TMEM178B: variants seen among roughly 807,000 people sequenced by gnomAD.
The protein encoded by TMEM178B is transmembrane protein 178B.
In TMEM178B, 5 loss-of-function variants were observed where a neutral mutation model predicts 31.0. The observed-to-expected ratio is 0.16, with a 90% CI of 0.08 to 0.34. The LOEUF (loss-of-function observed/expected upper bound fraction) is 0.34. Ranked by LOEUF, TMEM178B falls within the 10% of genes least tolerant of loss-of-function variation. The probability of loss-of-function intolerance (pLI) is 1.00; values close to 1 mark genes in which losing one functional copy is unlikely to be tolerated. For missense variants in TMEM178B, 275 were observed against 400.3 expected (o/e 0.69, Z 2.67); for synonymous variants, 164 against 164.0 (o/e 1.00, Z 0.00).
chr7:141,085,156 T>A (rs1175586232), intron 1 of TMEM178B, among the ~76,000 whole-genome samples: 2 of 147,570 alleles, frequency 1.4e-5, no homozygotes, highest in African/African-American at 2.5e-5. Context: ...TTGTATTTTT[T>A]TTTTTTTTTT....
At chr7:141,148,182 C>G (rs894915036) in intron 1 of TMEM178B, among the ~76,000 whole-genome samples, 1 of 152,166 alleles carries the variant, frequency 6.6e-6, no homozygotes, top group Admixed American at 6.5e-5. Context: ...ACTCCAACCA[C>G]TGTTTCTATT....
At chr7:141,272,331 A>G (rs1386963953) in intron 2 of TMEM178B, among the ~76,000 whole-genome samples, 1 of 152,210 alleles carries the variant, frequency 6.6e-6, no homozygotes, top group Non-Finnish European at 1.5e-5. Flanking sequence ...CTGAATTGAT[A>G]TCGTGCAAAG....
intron 2 of TMEM178B, among the ~76,000 whole-genome samples, chr7:141,392,790 A>G (rs968239697): frequency 6.6e-6 from 1 of 151,550 alleles, no homozygotes; most frequent in African/African-American, 2.4e-5. Flanking sequence ...GGACAGCAGC[A>G]TCTCTCTAGG....
chr7:141,486,876 C>T, the TMEM178B span, among the ~76,000 whole-genome samples: 1 of 151,934 alleles, frequency 6.6e-6, no homozygotes, highest in Non-Finnish European at 1.5e-5. Context: ...GAAAAAAAGA[C>T]AAATCAGGGA....
intron 1 of TMEM178B, among the ~76,000 whole-genome samples, chr7:141,138,063 A>ATTTT (rs202146160): frequency 1.9e-4 from 27 of 141,364 alleles, no homozygotes; most frequent in African/African-American, 6.8e-4. Flanking sequence ...TTAAAATTCA[A>ATTTT]TTTTTTTTTT....
At chr7:141,118,121 G>A (rs1300891054) in intron 1 of TMEM178B, among the ~76,000 whole-genome samples, 1 of 152,174 alleles carries the variant, frequency 6.6e-6, no homozygotes. Flanking sequence ...CAGATGGTGG[G>A]ACTCGATCAG....
At chr7:141,234,032 CCT>C (rs1462675918) in intron 2 of TMEM178B, among the ~76,000 whole-genome samples, 1 of 152,160 alleles carries the variant, frequency 6.6e-6, no homozygotes, top group Non-Finnish European at 1.5e-5. Flanking sequence ...GTGCAGTAGT[CCT>C]CTCTGATGCT....
intron 2 of TMEM178B, among the ~76,000 whole-genome samples, chr7:141,387,373 A>C (rs969567958): frequency 6.6e-6 from 1 of 152,216 alleles, no homozygotes; most frequent in African/African-American, 2.4e-5. Context: ...GACAATCACC[A>C]TAGAAAAGAT....
chr7:141,178,059 T>G (rs1372354620), intron 1 of TMEM178B, among the ~76,000 whole-genome samples: 1 of 152,248 alleles, frequency 6.6e-6, no homozygotes, highest in Non-Finnish European at 1.5e-5. Context: ...CAATTTGGTA[T>G]GTTTTTGCAG....
At chr7:141,392,864 C>T (rs1413523086) in intron 2 of TMEM178B, among the ~76,000 whole-genome samples, 2 of 151,368 alleles carry the variant, frequency 1.3e-5, no homozygotes, top group African/African-American at 4.9e-5. Context: ...TGAATCCCTA[C>T]TCAGAGGCAA....
At chr7:141,401,932 A>G (rs1409928554) in intron 2 of TMEM178B, among the ~76,000 whole-genome samples, 3 of 152,212 alleles carry the variant, frequency 2.0e-5, no homozygotes, top group Non-Finnish European at 4.4e-5. Context: ...CCACAGCACT[A>G]TAGTAAAAGG....
chr7:141,212,561 A>G, intron 1 of TMEM178B, 30 bp from the exon 2 acceptor site: 1 of 1,521,558 alleles, frequency 6.6e-7, no homozygotes, highest in Non-Finnish European at 8.8e-7. Flanking sequence ...CTGCTTCCTT[A>G]ACATTTTGTT....
chr7:141,285,080 G>A (rs217008), intron 2 of TMEM178B, among the ~76,000 whole-genome samples: 1 of 144,234 alleles, frequency 6.9e-6, no homozygotes, highest in Non-Finnish European at 1.5e-5. Context: ...AACTACATAC[G>A]TTATTTGGAT....
intron 2 of TMEM178B, among the ~76,000 whole-genome samples, chr7:141,257,950 A>G (rs1797954140): frequency 6.6e-6 from 1 of 151,552 alleles, no homozygotes; most frequent in South Asian, 2.1e-4. Context: ...AGTTAAATAG[A>G]TATTTTCTAG....
intron 1 of TMEM178B, among the ~76,000 whole-genome samples, chr7:141,186,735 G>A (rs1189122728): frequency 1.3e-5 from 2 of 152,146 alleles, no homozygotes; most frequent in Non-Finnish European, 2.9e-5. Flanking sequence ...AAACTGTTAT[G>A]TGAGTGGGTC....
intron 1 of TMEM178B, among the ~76,000 whole-genome samples, chr7:141,149,264 T>C (rs755837926): frequency 1.3e-5 from 2 of 152,272 alleles, no homozygotes; most frequent in East Asian, 3.9e-4. Context: ...TATTTAGAAA[T>C]AGGGCCTTTA....
chr7:141,344,482 C>A lies in TMEM178B; in HGVS notation c.497-93126C>A, dbSNP rs1029073396. Among the ~76,000 whole-genome samples the A allele has an allele frequency of 2.6e-5, 4 of 152,266 alleles. No homozygotes were observed. The South Asian group carries it at 8.3e-4, about 32-fold the overall frequency. On this transcript the variant is annotated intron_variant, in intron 2 of 3. Transcript: ENST00000565468. The surrounding 1 kb of genome is among the most constrained non-coding windows in gnomAD (Gnocchi z 4.1). ...AAGTTTCTCACACATTTTAGGCACTCTTTTTACTTTGAAATTTTTAAAAAT... is the reference window on the plus strand; with the variant it reads ...AAGTTTCTCACACATTTTAGGCACTATTTTTACTTTGAAATTTTTAAAAAT...
intron 2 of TMEM178B, among the ~76,000 whole-genome samples, chr7:141,220,520 G>A (rs73737718): frequency 0.023 from 3,455 of 152,000 alleles, 136 homozygotes; most frequent in African/African-American, 0.079. Context: ...GATGACCTAG[G>A]GGGAGGGAAG....
At chr7:141,350,475 T>C (rs1452331566) in intron 2 of TMEM178B, among the ~76,000 whole-genome samples, 2 of 152,264 alleles carry the variant, frequency 1.3e-5, no homozygotes, top group Admixed American at 6.5e-5. Context: ...GAGAAGATAA[T>C]TAATATTTGT....
Sources: gnomAD v4.1 joint callset for allele counts (sites outside exome capture counted in the v4.1 genomes callset) on GRCh38, gnomAD v4.1.1 for gene constraint, Gnocchi (gnomAD v3.1) non-coding constraint, MANE v1.5 for transcripts, NCBI Gene and HGNC (gene_info 2026-07-23, HGNC 2026-07-21) for gene names.